Variants in ALDH1A3 observed in about 807,000 individuals in gnomAD.
ALDH1A3 encodes the protein retinaldehyde dehydrogenase 3.
Under a neutral mutation model 57.5 loss-of-function variants are expected in ALDH1A3, and 28 were observed. The ratio of observed to expected loss-of-function variants is 0.49; its 90% confidence interval spans 0.36 to 0.67. ALDH1A3 has a LOEUF of 0.67. Among genes scored for constraint, ALDH1A3 ranks in the 30% least tolerant of loss-of-function variants. ALDH1A3 has a pLI of 0.00. For missense variants in ALDH1A3, 507 were observed against 669.4 expected, an observed-to-expected ratio of 0.76 and a Z score of 2.68; for synonymous variants, 281 against 264.8, an observed-to-expected ratio of 1.06 and a Z score of -0.59.
intron 12 of ALDH1A3, chr15:100,913,458 C>G (rs1260078689): frequency 2.6e-5 from 4 of 152,206 alleles, no homozygotes; most frequent in African/African-American, 9.7e-5. Context: ...ATCTTCAAAG[C>G]CAGCACTGCT....
At chr15:100,885,481 G>C in intron 2 of ALDH1A3, 110 bp downstream of exon 2, 1 of 767,570 alleles carries the variant, frequency 1.3e-6, no homozygotes, top group Non-Finnish European at 2.2e-6. Flanking sequence ...CTGGGGGCAG[G>C]GCCTGGGCTA....
chr15:100,895,846 A>G, intron 6 of ALDH1A3, 87 bp from the exon 7 acceptor site: 1 of 1,184,994 alleles, frequency 8.4e-7, no homozygotes, highest in Non-Finnish European at 1.2e-6. Context: ...TGGGGATGTG[A>G]GGCAGCCACG....
In ALDH1A3 at chr15:100,889,588, C is replaced by T. The variant is rs1462414496; in HGVS notation, c.345+1876C>T. 3.9e-5 allele frequency among the ~76,000 whole-genome samples: 6 copies of T among 152,186 alleles called. No homozygotes were observed. On this transcript the variant is annotated intron_variant, in intron 3 of 12. Coordinates refer to ENST00000329841, the MANE Select transcript of ALDH1A3 (RefSeq NM_000693.4). The surrounding 1 kb of genome is among the most constrained non-coding windows in gnomAD (Gnocchi z 5.1). ...CATGAGCTCATCGGTCGGCAATGTCCGTGTGGACTAATAGCAGGCTAGAGA... is the reference window on the plus strand; with the variant it reads ...CATGAGCTCATCGGTCGGCAATGTCTGTGTGGACTAATAGCAGGCTAGAGA...
chr15:100,905,554 A>G lies in ALDH1A3; in HGVS notation c.1100A>G (p.Glu367Gly), dbSNP rs2041813415. ...IDQKQFDKIL[E>G]LIESGKKEGA... ...CAAAAGCAGTTCGACAAAATCTTAG[A>G]GCTGATCGAGAGTGGGAAGAAGGAA... Residue 367 changes from glutamate to glycine, a missense_variant, in exon 10 of 13, where the codon GAG (glutamate) becomes GGG (glycine). Glu to Gly is a moderately conservative substitution (Grantham distance 98). Coordinates refer to ENST00000329841, the MANE Select transcript of ALDH1A3 (RefSeq NM_000693.4). The G allele has an allele frequency of 6.2e-7, 1 of 1,614,054 alleles. No homozygotes were observed. The highest frequency in any genetic ancestry group is 1.7e-5 in the Admixed American group (1 of 60,002).
intron 2 of ALDH1A3, among the ~76,000 whole-genome samples, chr15:100,886,202 C>T (rs1452671598): frequency 6.6e-6 from 1 of 152,220 alleles, no homozygotes; most frequent in Non-Finnish European, 1.5e-5. Flanking sequence ...ACACTGGCCC[C>T]ACCTATACAG....
chr15:100,904,895 G>C (rs1198928718), intron 9 of ALDH1A3, among the ~76,000 whole-genome samples: 3 of 152,166 alleles, frequency 2.0e-5, no homozygotes, highest in Non-Finnish European at 4.4e-5. Context: ...CAGGGGTGTT[G>C]AGTAAGGTGG....
rs1042360458 is a variant in ALDH1A3 at position 100,895,887 on chromosome 15, G to A, written c.667-46G>A. The A allele has an allele frequency of 6.7e-6, 10 of 1,502,940 alleles. No homozygotes were observed. In the African/African-American group the frequency reaches 8.3e-5, roughly 12 times the overall value. 93.1% of individuals were successfully genotyped at this position (1,502,940 alleles called of 1,614,324 possible). On this transcript the variant is annotated intron_variant, in intron 6 of 12. Transcript: ENST00000329841. ...CTCGGCCCAAATGTGGATCCGTGGT[G>A]GATGAAGTCCGTTCTTCTTCAAGTG...
chr15:100,896,414 TG>T (rs2041704530), intron 7 of ALDH1A3, among the ~76,000 whole-genome samples: 1 of 149,128 alleles, frequency 6.7e-6, no homozygotes, highest in African/African-American at 2.5e-5. Flanking sequence ...TACAAGTCAA[TG>T]AAAAAAAAAA....
chr15:100,890,592 G>A (rs2141552869), intron 3 of ALDH1A3, among the ~76,000 whole-genome samples: 1 of 152,260 alleles, frequency 6.6e-6, no homozygotes, highest in African/African-American at 2.4e-5. Context: ...TGACCTGTAG[G>A]ATTTATTATC....
chr15:100,891,160 G>T (rs535363064), intron 3 of ALDH1A3, among the ~76,000 whole-genome samples: 14 of 152,308 alleles, frequency 9.2e-5, no homozygotes, highest in South Asian at 6.2e-4. Flanking sequence ...ACCATGGGCG[G>T]GCACTGTGGT....
intron 2 of ALDH1A3, 145 bp downstream of exon 2, chr15:100,885,516 T>C: frequency 3.2e-6 from 2 of 619,690 alleles, no homozygotes; most frequent in Non-Finnish European, 5.8e-6. Context: ...CATGTGGTTC[T>C]CAGACGTGTG....
Position 100,914,968 on chromosome 15 carries a change from G to T in ALDH1A3, c.*195G>T. 1.7e-6 allele frequency: 1 copy of T among 591,880 alleles called. No homozygotes were observed. Among genetic ancestry groups the T allele is most frequent in the Non-Finnish European group, 3.0e-6 (1 of 336,788 alleles). 36.7% of individuals were successfully genotyped at this position (591,880 alleles called of 1,614,324 possible). On this transcript the variant is annotated 3_prime_UTR_variant, in exon 13 of 13. Transcript: ENST00000329841. Reference sequence around the variant, plus strand: ...ACCAGACTGGGGATGCCTATAGGTTGTCTGTGAAATCGCAGTCCTGCCTGG... The same window carrying T: ...ACCAGACTGGGGATGCCTATAGGTTTTCTGTGAAATCGCAGTCCTGCCTGG...
intron 12 of ALDH1A3, among the ~76,000 whole-genome samples, chr15:100,910,876 C>T (rs1346723141): frequency 6.6e-6 from 1 of 152,222 alleles, no homozygotes; most frequent in Admixed American, 6.5e-5. Flanking sequence ...GCAGGGCCCC[C>T]AATCCCTGGT....
Position 100,887,697 on chromosome 15 carries a change from C to T in ALDH1A3, c.330C>T (p.Asp110=). ...LHQLADLVER[D]RATLAALETM... ...AGCTGGCTGACCTGGTGGAGAGGGACCGCGCCACCTTGGCCGTGAGTACAT... is the reference window on the plus strand; with the variant it reads ...AGCTGGCTGACCTGGTGGAGAGGGATCGCGCCACCTTGGCCGTGAGTACAT... Residue 110 remains aspartate, a synonymous_variant, in exon 3 of 13, where the codon GAC becomes GAT. Transcript: ENST00000329841. This position sits in a 1 kb window ranked among gnomAD's most constrained non-coding sequence, Gnocchi z 4.6. 2.5e-6 allele frequency: 4 copies of T among 1,605,392 alleles called. No individual in the cohort carries two copies. The highest frequency in any genetic ancestry group is 3.4e-6 in the Non-Finnish European group (4 of 1,175,308).
At chr15:100,908,819 G>A (rs934538906) in intron 12 of ALDH1A3, among the ~76,000 whole-genome samples, 5 of 152,286 alleles carry the variant, frequency 3.3e-5, no homozygotes, top group African/African-American at 1.2e-4. Context: ...GCCAGATGTG[G>A]GGTGTCATTA....
Position 100,894,129 on chromosome 15 carries a change from C to T in ALDH1A3, c.666+47C>T. The T allele has an allele frequency of 1.2e-6, 2 of 1,603,788 alleles. No homozygotes were observed. The highest frequency in any genetic ancestry group is 1.7e-6 in the Non-Finnish European group (2 of 1,174,626). On this transcript the variant is annotated intron_variant, in intron 6 of 12. Transcript: ENST00000329841. This position sits in a 1 kb window ranked among gnomAD's most constrained non-coding sequence, Gnocchi z 4.5. The stretch of plus-strand genomic sequence containing the variant: ...TATCACATGTTCTTGGTAACATTCC[C>T]ACTCCTAGGAACCAGGCCACCGTCA...
chr15:100,896,479 C>T (rs933626714), intron 7 of ALDH1A3, among the ~76,000 whole-genome samples: 1 of 151,432 alleles, frequency 6.6e-6, no homozygotes, highest in Admixed American at 6.6e-5. Flanking sequence ...ATACGACGTG[C>T]CCATTAAGCT....
At chr15:100,914,482 CAGA>C in intron 12 of ALDH1A3, 1 of 460,192 alleles carries the variant, frequency 2.2e-6, no homozygotes, top group East Asian at 3.3e-5. Context: ...AAGCATCACA[CAGA>C]AGAAGACCTT....
In ALDH1A3 at chr15:100,914,715, T is replaced by C. The variant is rs1464529546; in HGVS notation, c.1481T>C (p.Leu494Ser). Residue 494 changes from leucine (L) to serine (S), a missense_variant, in exon 13 of 13, where the codon TTG becomes TCG. This residue lies in a region of ALDH1A3 where 432 missense variants were observed against 608.4 expected (regional missense o/e 0.71). Coordinates refer to ENST00000329841, the MANE Select transcript of ALDH1A3 (RefSeq NM_000693.4). ...TGTGATCACAGAGGTGAATACGCTT[T>C]GGCCGAATACACAGAAGTGAAAACT... ...GNGRELGEYA[L>S]AEYTEVKTVT... 1.2e-6 allele frequency: 2 copies of C among 1,614,126 alleles called. No individual in the cohort carries two copies. Among genetic ancestry groups the C allele is most frequent in the Admixed American group, 1.7e-5 (1 of 60,026 alleles).
Sources: gnomAD v4.1 joint callset for allele counts (sites outside exome capture counted in the v4.1 genomes callset) on GRCh38, gnomAD v4.1.1 for gene constraint, gnomAD v4.1.1 regional missense constraint, Gnocchi (gnomAD v3.1) non-coding constraint, MANE v1.5 for transcripts, NCBI Gene and HGNC (gene_info 2026-07-23, HGNC 2026-07-21) for gene names.